The following STRN variants were observed in gnomAD, a reference collection of about 807,000 sequenced individuals.
STRN encodes the protein protein phosphatase 2 regulatory subunit B'''alpha.
In STRN, 53 loss-of-function variants were observed where a neutral mutation model predicts 96.3. The observed-to-expected ratio is 0.55, with a 90% CI of 0.44 to 0.69. The LOEUF (loss-of-function observed/expected upper bound fraction) is 0.69, where lower values mean the gene tolerates loss of function less well. Ranked by LOEUF, STRN falls within the 30% of genes least tolerant of loss-of-function variation. The pLI is 0.00. For synonymous variants in STRN, 428 were observed against 355.9 expected (o/e 1.20, Z -2.28); for missense variants, 987 against 963.9 (o/e 1.02, Z -0.32).
chr2:36,903,954 T>C (rs1669753130), intron 4 of STRN, among the ~76,000 whole-genome samples: 1 of 152,230 alleles, frequency 6.6e-6, no homozygotes, highest in Non-Finnish European at 1.5e-5. Context: ...GTTTCAAAAC[T>C]GCTCTTGCCA....
At chr2:36,888,936 A>G (rs1273972449) in intron 7 of STRN, among the ~76,000 whole-genome samples, 1 of 152,046 alleles carries the variant, frequency 6.6e-6, no homozygotes, top group Non-Finnish European at 1.5e-5. Flanking sequence ...TTCCCACCTC[A>G]GCCTCCCAAA....
chr2:36,962,684 T>G, intron 1 of STRN, among the ~76,000 whole-genome samples: 1 of 152,168 alleles, frequency 6.6e-6, no homozygotes, highest in East Asian at 1.9e-4. Context: ...AATTTTTGTA[T>G]TTTTAGCAGA....
At chr2:36,853,578 G>T (rs1444941186) in intron 15 of STRN, among the ~76,000 whole-genome samples, 1 of 152,200 alleles carries the variant, frequency 6.6e-6, no homozygotes, top group South Asian at 2.1e-4. Context: ...CCTAGCTTGT[G>T]ACGTATCTGC....
intron 1 of STRN, among the ~76,000 whole-genome samples, chr2:36,955,256 T>C (rs1664856576): frequency 6.6e-6 from 1 of 152,190 alleles, no homozygotes; most frequent in Admixed American, 6.5e-5. Flanking sequence ...ATTCACACAG[T>C]GACCTGAGAA....
intron 1 of STRN, among the ~76,000 whole-genome samples, chr2:36,938,982 A>ATTTG (rs572034553): frequency 1.2e-4 from 18 of 148,302 alleles, no homozygotes; most frequent in Non-Finnish European, 1.8e-4. Context: ...TTTTTTTTTT[A>ATTTG]TTTGTTTGTT....
intron 1 of STRN, among the ~76,000 whole-genome samples, chr2:36,952,050 C>T (rs558310865): frequency 4.1e-4 from 62 of 151,546 alleles, no homozygotes; most frequent in Non-Finnish European, 6.2e-4. Flanking sequence ...AAAATACACA[C>T]GCACGCACAC....
At chr2:36,921,067 C>G (rs1670241299) in intron 2 of STRN, among the ~76,000 whole-genome samples, 1 of 151,678 alleles carries the variant, frequency 6.6e-6, no homozygotes, top group African/African-American at 2.4e-5. Context: ...GAGCAAGGCT[C>G]TGTCTCAAAG....
chr2:36,847,166 A>G lies in STRN; in HGVS notation c.*2290T>C, dbSNP rs1668099736. On this transcript the variant is annotated 3_prime_UTR_variant, in exon 18 of 18. Coordinates refer to ENST00000263918, the MANE Select transcript of STRN (RefSeq NM_003162.4). ...TTTCTAAGGAACTTTCAACAGTTCC[A>G]TTTGCGCTACAGTCTATGTATCTCA... The G allele has an allele frequency of 6.6e-6, 1 of 152,186 alleles. No homozygotes were observed. Among genetic ancestry groups the G allele is most frequent in the Non-Finnish European group, 1.5e-5 (1 of 68,032 alleles). 9.4% of individuals were successfully genotyped at this position (152,186 alleles called of 1,614,324 possible). A position where few individuals can be genotyped will look rare whatever the true frequency, so the allele number is the denominator to read the frequency against.
intron 13 of STRN, 59 bp from the exon 14 acceptor site, chr2:36,858,082 T>G: frequency 7.0e-7 from 1 of 1,434,644 alleles, no homozygotes; most frequent in South Asian, 1.4e-5. Context: ...GGTACTTAGA[T>G]TTCAGAGAAA....
At chr2:36,917,970 G>A (rs369191292) in intron 2 of STRN, among the ~76,000 whole-genome samples, 3 of 152,194 alleles carry the variant, frequency 2.0e-5, no homozygotes, top group African/African-American at 7.2e-5. Context: ...TTTCTGGAAG[G>A]ATACATAATA....
Position 36,914,276 on chromosome 2 carries a change from C to T in STRN, c.412+1802G>A, listed in dbSNP as rs561234452. ...AAAGTGGGATTACAGGCATTAGCCA[C>T]TGCAGCCAGCCATGTTTACTTACAA... On this transcript the variant is annotated intron_variant, in intron 3 of 17. Coordinates refer to ENST00000263918, the MANE Select transcript of STRN (RefSeq NM_003162.4). 1.4e-4 allele frequency among the ~76,000 whole-genome samples: 22 copies of T among 152,340 alleles called. 1 individual carries two copies. The South Asian group carries it at 4.6e-3, about 32-fold the overall frequency.
rs1667951742 is a variant in STRN at position 36,841,545 on chromosome 2, A to T, written c.*7911T>A. Reference sequence around the variant, plus strand: ...ATCGAAAAAGATGTAAGTACATTTTAAAAATGTTTTTAAAAGCATAGTCAA... The same window carrying T: ...ATCGAAAAAGATGTAAGTACATTTTTAAAATGTTTTTAAAAGCATAGTCAA... On this transcript the variant is annotated 3_prime_UTR_variant, in exon 18 of 18. Coordinates refer to ENST00000263918, the MANE Select transcript of STRN (RefSeq NM_003162.4). 6.6e-6 allele frequency: 1 copy of T among 152,218 alleles called. No homozygotes were observed. Among genetic ancestry groups the T allele is most frequent in the African/African-American group, 2.4e-5 (1 of 41,460 alleles). 9.4% of individuals were successfully genotyped at this position (152,218 alleles called of 1,614,324 possible).
In STRN at chr2:36,883,940, G is replaced by C. The variant is rs770601942; in HGVS notation, c.1178C>G (p.Ala393Gly). ...GTATCTTAAATACTTACCTTCATCT[G>C]CCCTATTAATTTCATGTTCAGGAAG... Reference protein sequence around the residue: ...SRLPEHEINRADEVEALTFPP... With the variant: ...SRLPEHEINRGDEVEALTFPP... The change falls in exon 9 of 18, where the codon GCA (alanine) becomes GGA (glycine). Residue 393 changes from alanine to glycine, a missense_variant. Physicochemically the swap from Ala to Gly is moderately conservative, Grantham distance 60. Coordinates refer to ENST00000263918, the MANE Select transcript of STRN (RefSeq NM_003162.4). 7.2e-7 allele frequency: 1 copy of C among 1,392,274 alleles called. No individual in the cohort carries two copies. The highest frequency in any genetic ancestry group is 9.4e-7 in the Non-Finnish European group (1 of 1,067,206). 86.2% of individuals were successfully genotyped at this position (1,392,274 alleles called of 1,614,324 possible). A position where few individuals can be genotyped will look rare whatever the true frequency, so the allele number is the denominator to read the frequency against.
chr2:36,879,023 G>T (rs1668996682), intron 9 of STRN, among the ~76,000 whole-genome samples: 1 of 151,802 alleles, frequency 6.6e-6, no homozygotes, highest in Admixed American at 6.6e-5. Context: ...AAAGTGCTGG[G>T]ATTACAGGCA....
At chr2:36,857,451 A>C (rs1431712527) in intron 14 of STRN, among the ~76,000 whole-genome samples, 1 of 151,904 alleles carries the variant, frequency 6.6e-6, no homozygotes, top group South Asian at 2.1e-4. Flanking sequence ...GAGGCAGGCG[A>C]ATCACTTGAG....
intron 11 of STRN, among the ~76,000 whole-genome samples, chr2:36,868,560 T>C (rs773731449): frequency 2.6e-5 from 4 of 152,220 alleles, no homozygotes; most frequent in Non-Finnish European, 5.9e-5. Flanking sequence ...CAGTTACGCA[T>C]AGACATGTTA....
chr2:36,895,406 G>T (rs1669512810), intron 6 of STRN, among the ~76,000 whole-genome samples: 1 of 151,716 alleles, frequency 6.6e-6, no homozygotes, highest in Non-Finnish European at 1.5e-5. Context: ...AACTATTTGG[G>T]ATATTTTCCT....
chr2:36,962,755 C>T (rs979564853), intron 1 of STRN, among the ~76,000 whole-genome samples: 1 of 152,138 alleles, frequency 6.6e-6, no homozygotes, highest in East Asian at 1.9e-4. Context: ...GATCCGCCTG[C>T]CTTGGCCTCC....
chr2:36,875,060 T>C (rs1055590403), intron 10 of STRN, among the ~76,000 whole-genome samples: 3 of 152,114 alleles, frequency 2.0e-5, no homozygotes, highest in Admixed American at 2.0e-4. Flanking sequence ...GAATGACATA[T>C]AAGTAGGGTG....
Sources: allele counts gnomAD v4.1 joint callset (sites outside exome capture counted in the v4.1 genomes callset), GRCh38; gene constraint gnomAD v4.1.1; transcripts MANE v1.5; gene names NCBI Gene and HGNC (gene_info 2026-07-23, HGNC 2026-07-21).